Variants in NECAP2 observed in about 807,000 individuals in gnomAD.
NECAP2 encodes the protein adaptin ear-binding coat-associated protein 2.
NECAP2 carries 38 observed loss-of-function variants against 37.8 expected under a neutral mutation model. The ratio of observed to expected loss-of-function variants is 1.01; its 90% CI spans 0.78 to 1.32. The LOEUF is 1.32. Ranked by LOEUF, NECAP2 falls within the 40% of genes most tolerant of loss-of-function variation. The pLI is 0.00. For missense variants in NECAP2, 316 were observed against 334.5 expected, an observed-to-expected ratio of 0.94 and a Z score of 0.43; for synonymous variants, 121 against 127.7, an observed-to-expected ratio of 0.95 and a Z score of 0.35.
chr1:16,449,329 C>A, intron 5 of NECAP2, 128 bp downstream of exon 5: 1 of 642,964 alleles, frequency 1.6e-6, no homozygotes. Flanking sequence ...TGCCTTGTGC[C>A]AGGTCCTGCA....
chr1:16,459,155 G>T lies in NECAP2; in HGVS notation c.*265G>T. On this transcript the variant is annotated 3_prime_UTR_variant, in exon 8 of 8. Coordinates refer to ENST00000337132, the MANE Select transcript of NECAP2 (RefSeq NM_018090.5). Reference sequence around the variant, plus strand: ...CTGTCCCCATCTGTCCTCTTGATGTGAGAGAGACTCTGAGACTTCTTCCAT... The same window carrying T: ...CTGTCCCCATCTGTCCTCTTGATGTTAGAGAGACTCTGAGACTTCTTCCAT... 1.5e-6 allele frequency: 1 copy of T among 661,880 alleles called. No homozygotes were observed. 41.0% of individuals were successfully genotyped at this position (661,880 alleles called of 1,614,324 possible).
chr1:16,458,728 C>G, intron 7 of NECAP2, 114 bp from the exon 8 acceptor site: 1 of 1,064,354 alleles, frequency 9.4e-7, no homozygotes, highest in East Asian at 2.4e-5. Flanking sequence ...TGCTCTAGAA[C>G]ATTTAGGAAC....
intron 5 of NECAP2, chr1:16,451,579 A>G (rs1054607872): frequency 1.9e-5 from 10 of 517,744 alleles, no homozygotes; most frequent in Admixed American, 1.1e-4. Flanking sequence ...GTGTAATGGT[A>G]TATCATTATA....
At chr1:16,444,914 A>G (rs2086737718) in intron 2 of NECAP2, among the ~76,000 whole-genome samples, 1 of 152,138 alleles carries the variant, frequency 6.6e-6, no homozygotes, top group African/African-American at 2.4e-5. Context: ...CCTCTGCCTC[A>G]CAGGTTCAAG....
chr1:16,456,024 C>CTT (rs56097788), intron 7 of NECAP2, 131 bp downstream of exon 7: 7,949 of 474,618 alleles, frequency 0.017, no homozygotes, highest in East Asian at 0.021. Context: ...GTTTTCTTTT[C>CTT]TTTTTTTTTT....
chr1:16,455,708 T>G, intron 6 of NECAP2, 110 bp from the exon 7 acceptor site: 1 of 859,600 alleles, frequency 1.2e-6, no homozygotes, highest in East Asian at 2.5e-5. Flanking sequence ...CCTGGTGTCA[T>G]GAGACTGATC....
At chr1:16,450,246 T>TG (rs1025392208) in intron 5 of NECAP2, 16 of 376,600 alleles carry the variant, frequency 4.2e-5, no homozygotes, top group Admixed American at 1.1e-4. Context: ...GGCCAGGTAG[T>TG]GGTTTTTTTT....
intron 1 of NECAP2, 194 bp downstream of exon 1, chr1:16,441,047 G>A (rs1331812933): frequency 8.6e-6 from 5 of 580,110 alleles, no homozygotes; most frequent in African/African-American, 7.5e-5. Flanking sequence ...TTCGACGCAC[G>A]GGACTCCTGG....
At chr1:16,453,204 G>A (rs1244459074) in intron 6 of NECAP2, among the ~76,000 whole-genome samples, 1 of 151,808 alleles carries the variant, frequency 6.6e-6, no homozygotes, top group Admixed American at 6.6e-5. Flanking sequence ...CTGCCTCCTG[G>A]GTTCAAGTGA....
intron 2 of NECAP2, among the ~76,000 whole-genome samples, chr1:16,447,147 C>T (rs2086775664): frequency 6.6e-6 from 1 of 151,818 alleles, no homozygotes; most frequent in Non-Finnish European, 1.5e-5. Flanking sequence ...TGGGACCATA[C>T]CCACTCCATG....
At chr1:16,452,764 C>A (rs768093051) in intron 6 of NECAP2, among the ~76,000 whole-genome samples, 14 of 151,942 alleles carry the variant, frequency 9.2e-5, no homozygotes, top group Non-Finnish European at 4.4e-5. Flanking sequence ...TACCTCCCCG[C>A]GCGCCCCCCC....
intron 4 of NECAP2, 127 bp from the exon 5 acceptor site, chr1:16,448,966 T>C (rs2086802614): frequency 1.6e-6 from 1 of 638,536 alleles, no homozygotes. Flanking sequence ...GCCTGCACTC[T>C]TTCCAGCACC....
chr1:16,444,439 A>G (rs888963001), intron 2 of NECAP2, among the ~76,000 whole-genome samples: 1 of 152,210 alleles, frequency 6.6e-6, no homozygotes, highest in Non-Finnish European at 1.5e-5. Context: ...GAGAAAGTGC[A>G]AAAGTTTAGA....
At chr1:16,449,240 T>A in intron 5 of NECAP2, 39 bp downstream of exon 5, 3 of 1,436,712 alleles carry the variant, frequency 2.1e-6, no homozygotes, top group Non-Finnish European at 2.9e-6. Flanking sequence ...GACGTGATAC[T>A]TGTGGCCACC....
rs1184196403 is a variant in NECAP2 at position 16,459,027 on chromosome 1, T to A, written c.*137T>A. 1 of 1,547,760 alleles carries A rather than the reference T, an allele frequency of 6.5e-7. No homozygotes were observed. Among genetic ancestry groups the A allele is most frequent in the Admixed American group, 2.1e-5 (1 of 46,798 alleles). On this transcript the variant is annotated 3_prime_UTR_variant, in exon 8 of 8. Coordinates refer to ENST00000337132, the MANE Select transcript of NECAP2 (RefSeq NM_018090.5). The stretch of plus-strand genomic sequence containing the variant: ...TCCTCTCCTCCTTGTCTGGCTCTGT[T>A]GACAAACCGGGCATGTTTGGCAGTA...
chr1:16,449,920 G>C (rs1225825602), intron 5 of NECAP2: 1 of 249,596 alleles, frequency 4.0e-6, no homozygotes, highest in Non-Finnish European at 8.0e-6. Flanking sequence ...TGGCTGCAAG[G>C]GTGGAGAGGG....
At chr1:16,448,762 T>C (rs2086799569) in intron 4 of NECAP2, among the ~76,000 whole-genome samples, 1 of 152,172 alleles carries the variant, frequency 6.6e-6, no homozygotes, top group African/African-American at 2.4e-5. Flanking sequence ...TCATGTCATA[T>C]ACTGTAGAGG....
chr1:16,446,635 C>T (rs1018245984), intron 2 of NECAP2, among the ~76,000 whole-genome samples: 6 of 151,958 alleles, frequency 3.9e-5, no homozygotes, highest in African/African-American at 1.2e-4. Context: ...GCCTCCAACT[C>T]CTGGGGTCAG....
chr1:16,459,089 G>C lies in NECAP2; in HGVS notation c.*199G>C. 1 of 1,260,468 alleles carries C rather than the reference G, an allele frequency of 7.9e-7. No homozygotes were observed. The highest frequency in any genetic ancestry group is 1.1e-6 in the Non-Finnish European group (1 of 919,514). 78.1% of individuals were successfully genotyped at this position (1,260,468 alleles called of 1,614,324 possible). ...TGTCACACTGTTTCCTGGGATTCAAGTATGCAACCAGAACACAGGAGAAGA... is the reference window on the plus strand; with the variant it reads ...TGTCACACTGTTTCCTGGGATTCAACTATGCAACCAGAACACAGGAGAAGA... On this transcript the variant is annotated 3_prime_UTR_variant, in exon 8 of 8. Coordinates refer to ENST00000337132, the MANE Select transcript of NECAP2 (RefSeq NM_018090.5).
Sources: gnomAD v4.1 joint callset for allele counts (sites outside exome capture counted in the v4.1 genomes callset) on GRCh38, gnomAD v4.1.1 for gene constraint, MANE v1.5 for transcripts, NCBI Gene and HGNC (gene_info 2026-07-23, HGNC 2026-07-21) for gene names.